Variants in GPD2 observed in about 807,000 individuals in gnomAD.
The protein encoded by GPD2 is glycerol-3-phosphate dehydrogenase 2.
GPD2 carries 54 observed loss-of-function variants against 82.4 expected under a neutral mutation model. The observed-to-expected ratio is 0.66, with a 90% confidence interval of 0.53 to 0.82. The LOEUF (loss-of-function observed/expected upper bound fraction) is 0.82, where lower values mean the gene tolerates loss of function less well. Ranked by LOEUF, GPD2 falls within the 40% of genes least tolerant of loss-of-function variation. GPD2 has a pLI of 0.00. For missense variants in GPD2, 748 were observed against 896.2 expected (o/e 0.83, Z 2.11); for synonymous variants, 288 against 306.1 (o/e 0.94, Z 0.62).
chr2:156,411,562 C>T, the GPD2 span, among the ~76,000 whole-genome samples: 13 of 151,958 alleles, frequency 8.6e-5, no homozygotes, highest in Admixed American at 2.0e-4. Context: ...GTGATCCACC[C>T]GCCTCAGCCT....
In GPD2 at chr2:156,503,574, G is replaced by T. The variant is rs189334528; in HGVS notation, c.275-7222G>T. 4.5e-4 allele frequency among the ~76,000 whole-genome samples: 69 copies of T among 152,154 alleles called. 1 individual carries two copies. In the South Asian group the frequency reaches 0.014, roughly 30 times the overall value. On this transcript the variant is annotated intron_variant, in intron 3 of 16. Transcript: ENST00000438166. ...AAATTGGAGTCTGGCTTAATAAATT[G>T]GATATTCAGTTATTGAAAAGAGATA...
intron 9 of GPD2, among the ~76,000 whole-genome samples, chr2:156,561,157 C>T (rs1687159531): frequency 1.4e-5 from 2 of 144,588 alleles, no homozygotes; most frequent in Admixed American, 1.4e-4. Context: ...AAGCAATTCT[C>T]CTGCCTCAGC....
At chr2:156,403,114 CAAA>C in the GPD2 span, among the ~76,000 whole-genome samples, 15 of 67,860 alleles carry the variant, frequency 2.2e-4, no homozygotes, top group Admixed American at 6.9e-4. Context: ...GCCCCTGTCT[CAAA>C]AAAAAAAAAA....
At chr2:156,450,034 A>C (rs1682500280) in intron 1 of GPD2, among the ~76,000 whole-genome samples, 4 of 151,896 alleles carry the variant, frequency 2.6e-5, no homozygotes, top group Admixed American at 1.3e-4. Flanking sequence ...CATAGAAAGA[A>C]GTGGATAGAT....
chr2:156,448,864 G>A (rs559625151), intron 1 of GPD2, among the ~76,000 whole-genome samples: 6 of 152,320 alleles, frequency 3.9e-5, no homozygotes, highest in Non-Finnish European at 7.3e-5. Flanking sequence ...TCAGGATGCC[G>A]GAAATCTGAA....
chr2:156,433,228 C>A (rs558763652), upstream of GPD2, among the ~76,000 whole-genome samples: 14 of 152,302 alleles, frequency 9.2e-5, no homozygotes, highest in South Asian at 1.0e-3. Flanking sequence ...CCAAAGCAGA[C>A]CTCCCTCTTG....
chr2:156,497,223 G>GAA (rs1573931675), intron 3 of GPD2, among the ~76,000 whole-genome samples: 1 of 152,006 alleles, frequency 6.6e-6, no homozygotes, highest in East Asian at 1.9e-4. Context: ...TTCAAATGAG[G>GAA]AAAAAATACC....
At chr2:156,539,421 G>C (rs1431398579) in intron 6 of GPD2, among the ~76,000 whole-genome samples, 1 of 152,124 alleles carries the variant, frequency 6.6e-6, no homozygotes, top group Non-Finnish European at 1.5e-5. Flanking sequence ...GAGTTAGCCT[G>C]CTTTTCATGT....
At position 156,526,258 on chromosome 2, in the gene GPD2, T is replaced by A. The variant is rs543665543; in HGVS notation, c.661+12762T>A. On this transcript the variant is annotated intron_variant, in intron 6 of 16. Coordinates refer to ENST00000438166, the MANE Select transcript of GPD2 (RefSeq NM_000408.5). ...TTTCTTTTTATAAGTGAAAATAAAA[T>A]CTTATTTCCTTTCTTTGGATACCAC... 2.3e-4 allele frequency among the ~76,000 whole-genome samples: 35 copies of A among 152,310 alleles called. 1 individual carries two copies. In the South Asian group the frequency reaches 7.0e-3, roughly 31 times the overall value.
In GPD2 at chr2:156,463,615, A is replaced by G. The variant is rs1683059446; in HGVS notation, c.-8-12483A>G. On this transcript the variant is annotated intron_variant, in intron 1 of 16. Coordinates refer to ENST00000438166, the MANE Select transcript of GPD2 (RefSeq NM_000408.5). The stretch of plus-strand genomic sequence containing the variant: ...GTTGGAGTGAGGATCAGCAAGTTCA[A>G]GTGATTTGCCTGAAATCGCAGAGCA... Among the ~76,000 whole-genome samples, 4 of 152,372 alleles carry G rather than the reference A, an allele frequency of 2.6e-5. No individual in the cohort carries two copies. In the South Asian group the frequency reaches 8.3e-4, roughly 32 times the overall value.
chr2:156,401,266 T>C, the GPD2 span, among the ~76,000 whole-genome samples: 1 of 152,218 alleles, frequency 6.6e-6, no homozygotes, highest in African/African-American at 2.4e-5. Context: ...ACTTACACCC[T>C]GGTAATTCTC....
chr2:156,535,437 G>GGGGGGAGA (rs138855830), intron 6 of GPD2, among the ~76,000 whole-genome samples: 1 of 80,286 alleles, frequency 1.2e-5, no homozygotes, highest in Non-Finnish European at 2.3e-5. Context: ...AGGGGGGTGG[G>GGGGGGAGA]GAGAGAGAGA....
At chr2:156,422,348 T>G in the GPD2 span, among the ~76,000 whole-genome samples, 1 of 152,180 alleles carries the variant, frequency 6.6e-6, no homozygotes, top group Non-Finnish European at 1.5e-5. Context: ...CAAAGTAATG[T>G]TATCTATAAT....
intron 1 of GPD2, among the ~76,000 whole-genome samples, chr2:156,441,919 A>G (rs145131883): frequency 0.014 from 2,142 of 152,324 alleles, 186 homozygotes; most frequent in Admixed American, 0.13. Context: ...TGTATTGACA[A>G]AACTTAAAGA....
chr2:156,480,582 A>G (rs1558919479), intron 2 of GPD2, among the ~76,000 whole-genome samples: 1 of 152,050 alleles, frequency 6.6e-6, no homozygotes, highest in Non-Finnish European at 1.5e-5. Flanking sequence ...TCTTTCTCAC[A>G]TAACACATTC....
At chr2:156,430,536 G>T (rs890795961), upstream of GPD2, among the ~76,000 whole-genome samples, 3 of 152,174 alleles carry the variant, frequency 2.0e-5, no homozygotes, top group African/African-American at 7.2e-5. Flanking sequence ...TACAAGAGAT[G>T]ACTTGAGCTC....
chr2:156,434,914 G>C (rs1390333574), upstream of GPD2, among the ~76,000 whole-genome samples: 1 of 152,106 alleles, frequency 6.6e-6, no homozygotes, highest in Non-Finnish European at 1.5e-5. Context: ...TACACTTTTA[G>C]AGCCAGTTTT....
intron 6 of GPD2, among the ~76,000 whole-genome samples, chr2:156,523,685 G>T (rs778091389): frequency 6.7e-6 from 1 of 148,822 alleles, no homozygotes; most frequent in African/African-American, 2.5e-5. Flanking sequence ...TAGATAGATA[G>T]ATAGATAGAT....
At chr2:156,518,864 G>A (rs1234488910) in intron 6 of GPD2, among the ~76,000 whole-genome samples, 1 of 152,200 alleles carries the variant, frequency 6.6e-6, no homozygotes, top group Non-Finnish European at 1.5e-5. Context: ...ACTGAACAAT[G>A]TGGATTTACA....
Sources: allele counts gnomAD v4.1 joint callset (sites outside exome capture counted in the v4.1 genomes callset), GRCh38; gene constraint gnomAD v4.1.1; transcripts MANE v1.5; gene names NCBI Gene and HGNC (gene_info 2026-07-23, HGNC 2026-07-21).